The following RIPOR3 variants were observed in gnomAD, a reference collection of about 807,000 sequenced individuals.
RIPOR3 encodes family with sequence similarity 65 member C.
RIPOR3 carries 95 observed loss-of-function variants against 114.3 expected under a neutral mutation model. That is an observed-to-expected ratio of 0.83 (90% CI 0.70 to 0.99). RIPOR3 has a LOEUF of 0.99. Among genes scored for constraint, RIPOR3 ranks in the 50% least tolerant of loss-of-function variants. RIPOR3 has a pLI of 0.00. For synonymous variants in RIPOR3, 575 were observed against 543.8 expected, an observed-to-expected ratio of 1.06 and a Z score of -0.80; for missense variants, 1,252 against 1,266.9, an observed-to-expected ratio of 0.99 and a Z score of 0.18.
intron 1 of RIPOR3, among the ~76,000 whole-genome samples, chr20:50,664,621 G>A (rs1231082061): frequency 6.6e-6 from 1 of 152,214 alleles, no homozygotes; most frequent in Non-Finnish European, 1.5e-5. Context: ...AACGCTCAGA[G>A]CTGCGCATTT....
chr20:50,611,443 T>G (rs1356626498), intron 4 of RIPOR3, among the ~76,000 whole-genome samples: 2 of 152,216 alleles, frequency 1.3e-5, no homozygotes, highest in African/African-American at 4.8e-5. Flanking sequence ...CTCTTCTATT[T>G]CCCAGCTGCG....
At chr20:50,686,759 AAAAG>A (rs1161709641) in intron 1 of RIPOR3, among the ~76,000 whole-genome samples, 22 of 151,732 alleles carry the variant, frequency 1.4e-4, no homozygotes, top group Admixed American at 3.9e-4. Flanking sequence ...AAAAAAAAAA[AAAAG>A]AAAGAAAGAA....
At chr20:50,651,624 T>A (rs1238787698) in intron 1 of RIPOR3, among the ~76,000 whole-genome samples, 1 of 152,200 alleles carries the variant, frequency 6.6e-6, no homozygotes, top group Non-Finnish European at 1.5e-5. Flanking sequence ...CTGTGGAACG[T>A]TGTCCACACT....
intron 9 of RIPOR3, 60 bp downstream of exon 9, chr20:50,608,852 T>TC: frequency 6.2e-7 from 1 of 1,607,738 alleles, no homozygotes; most frequent in South Asian, 1.1e-5. Context: ...TCCCAGCAGC[T>TC]CCCGTCCCCC....
intron 2 of RIPOR3, among the ~76,000 whole-genome samples, chr20:50,624,741 C>T (rs895329943): frequency 7.9e-5 from 12 of 152,210 alleles, no homozygotes; most frequent in Admixed American, 2.0e-4. Flanking sequence ...AGCTTCCAGA[C>T]GGGCACGTGC....
rs183494329 is a variant in RIPOR3 at position 50,665,242 on chromosome 20, G to A, written c.3+25884C>T. ...ACTTGAGCCCTAGAGTTCAAGACCAGCTTGAGCAACATGGCAAAACCCTGA... is the reference window on the plus strand; with the variant it reads ...ACTTGAGCCCTAGAGTTCAAGACCAACTTGAGCAACATGGCAAAACCCTGA... On this transcript the variant is annotated intron_variant, in intron 1 of 21. Transcript: ENST00000327979. Among the ~76,000 whole-genome samples the A allele has an allele frequency of 7.9e-3, 1,194 of 150,500 alleles. 9 individuals are homozygous for A. Among genetic ancestry groups the A allele is most frequent in the Middle Eastern group, 0.01 (3 of 290 alleles).
In RIPOR3 at chr20:50,685,690, A is replaced by G. The variant is rs373195883; in HGVS notation, c.3+5436T>C. Reference sequence around the variant, plus strand: ...AAATACAGAAATCAGGCATGGTGGCATGTGCCTGTAATCCTAGCTACTCGG... The same window carrying G: ...AAATACAGAAATCAGGCATGGTGGCGTGTGCCTGTAATCCTAGCTACTCGG... On this transcript the variant is annotated intron_variant, in intron 1 of 21. Coordinates refer to ENST00000327979, the MANE Select transcript of RIPOR3 (RefSeq NM_001290268.2). 2.2e-4 allele frequency among the ~76,000 whole-genome samples: 28 copies of G among 127,630 alleles called. 1 individual carries two copies. The highest frequency in any genetic ancestry group is 8.2e-4 in the African/African-American group (28 of 34,334). The allele number at this position is 127,630 out of a possible 152,430, so 83.7% of individuals were successfully genotyped here. A position where few individuals can be genotyped will look rare whatever the true frequency, so the allele number is the denominator to read the frequency against.
At chr20:50,630,692 C>G in intron 2 of RIPOR3, 46 bp downstream of exon 2, 1 of 1,489,002 alleles carries the variant, frequency 6.7e-7, no homozygotes, top group African/African-American at 1.4e-5. Context: ...AGCCCATTAA[C>G]AAGCCCCACC....
chr20:50,591,682 A>G (rs2083113367), intron 19 of RIPOR3, among the ~76,000 whole-genome samples: 1 of 152,208 alleles, frequency 6.6e-6, no homozygotes, highest in African/African-American at 2.4e-5. Context: ...TACAGTAGTT[A>G]CAGGCAAAGA....
rs1373010272 is a variant in RIPOR3 at position 50,640,752 on chromosome 20, C to T, written c.4-9896G>A. ...CCCTGAGCTTCCTTTCTGCAGTGAC[C>T]TCTCCATTAGACGCACAGGCCCACG... On this transcript the variant is annotated intron_variant, in intron 1 of 21. Coordinates refer to ENST00000327979, the MANE Select transcript of RIPOR3 (RefSeq NM_001290268.2). 4.6e-5 allele frequency among the ~76,000 whole-genome samples: 7 copies of T among 152,194 alleles called. No individual in the cohort carries two copies. In the East Asian group the frequency reaches 5.8e-4, roughly 13 times the overall value.
At chr20:50,626,403 C>T (rs906080128) in intron 2 of RIPOR3, among the ~76,000 whole-genome samples, 4 of 152,238 alleles carry the variant, frequency 2.6e-5, no homozygotes, top group Non-Finnish European at 4.4e-5. Flanking sequence ...GGCTGTCTTT[C>T]CTAGACTAGG....
At position 50,632,033 on chromosome 20, in the gene RIPOR3, A is replaced by T. The variant is rs2426182; in HGVS notation, c.4-1177T>A. Among the ~76,000 whole-genome samples, 37 of 151,832 alleles carry T rather than the reference A, an allele frequency of 2.4e-4. No individual in the cohort carries two copies. In the South Asian group the frequency reaches 5.0e-3, roughly 20 times the overall value. ...CAACATCTCTTTCCCCCAGGGGCCA[A>T]GTCCACCCCACTACACCTCTGCTCA... On this transcript the variant is annotated intron_variant, in intron 1 of 21. Transcript: ENST00000327979.
intron 1 of RIPOR3, among the ~76,000 whole-genome samples, chr20:50,657,681 A>G (rs958369202): frequency 6.6e-6 from 1 of 152,038 alleles, no homozygotes; most frequent in Non-Finnish European, 1.5e-5. Context: ...TTTTTCTAAT[A>G]CTAGTTTTAT....
At chr20:50,594,774 C>T (rs6091179) in intron 16 of RIPOR3, 60 bp from the exon 17 acceptor site, 75,977 of 1,553,810 alleles carry the variant, frequency 0.049, 3,874 homozygotes, top group African/African-American at 0.21. Context: ...GACAAGGACC[C>T]GAAAGGTTTC....
intron 13 of RIPOR3, among the ~76,000 whole-genome samples, chr20:50,601,757 C>G (rs574621471): frequency 7.2e-5 from 11 of 152,240 alleles, no homozygotes; most frequent in Middle Eastern, 6.8e-3. Flanking sequence ...GACAACACTC[C>G]AAGTTTGGGT....
intron 4 of RIPOR3, among the ~76,000 whole-genome samples, chr20:50,615,106 T>TGA (rs1372267429): frequency 3.1e-5 from 4 of 130,390 alleles, no homozygotes; most frequent in African/African-American, 1.2e-4. Context: ...ATGCTATTTG[T>TGA]GAGTGTGTGT....
chr20:50,683,382 G>A lies in RIPOR3; in HGVS notation c.3+7744C>T, dbSNP rs191301450. Among the ~76,000 whole-genome samples, 5 of 152,236 alleles carry A rather than the reference G, an allele frequency of 3.3e-5. No homozygotes were observed. In the East Asian group the frequency reaches 9.7e-4, roughly 29 times the overall value. ...AAAGAGATTGTTAGATGGAAGTGTA[G>A]GTGGGGCTGTTCAGGTGCCCTTTCA... On this transcript the variant is annotated intron_variant, in intron 1 of 21. Transcript: ENST00000327979.
rs895914719 is a variant in RIPOR3 at position 50,616,099 on chromosome 20, A to G, written c.270-19T>C. The G allele has an allele frequency of 4.4e-6, 7 of 1,606,558 alleles. No homozygotes were observed. Among genetic ancestry groups the G allele is most frequent in the Non-Finnish European group, 6.0e-6 (7 of 1,176,360 alleles). ...ATACTCCCTGCAAGGAAAGCAAGGAAGAGTTTCAAATGGAAGAGGAAGAAG... is the reference window on the plus strand; with the variant it reads ...ATACTCCCTGCAAGGAAAGCAAGGAGGAGTTTCAAATGGAAGAGGAAGAAG... On this transcript the variant is annotated intron_variant, in intron 3 of 21. Coordinates refer to ENST00000327979, the MANE Select transcript of RIPOR3 (RefSeq NM_001290268.2).
At chr20:50,686,577 C>A (rs894229898) in intron 1 of RIPOR3, among the ~76,000 whole-genome samples, 1 of 151,588 alleles carries the variant, frequency 6.6e-6, no homozygotes, top group African/African-American at 2.4e-5. Context: ...GGTGAAACCC[C>A]ATCTCTACTA....
Sources: allele counts gnomAD v4.1 joint callset (sites outside exome capture counted in the v4.1 genomes callset), GRCh38; gene constraint gnomAD v4.1.1; transcripts MANE v1.5; gene names NCBI Gene and HGNC (gene_info 2026-07-23, HGNC 2026-07-21).